The following UGGT2 variants were observed in gnomAD, a reference collection of about 807,000 sequenced individuals.
UGGT2 encodes the protein UDP-glucose glycoprotein glucosyltransferase 2, also known as UDP-glucose:glycoprotein glucosyltransferase 2.
A neutral mutation model predicts 192.1 loss-of-function variants in UGGT2; 180 were observed. The observed-to-expected ratio is 0.94, with a 90% CI of 0.83 to 1.06. UGGT2 has a LOEUF of 1.06. Among genes scored for constraint, UGGT2 ranks in the 50% least tolerant of loss-of-function variants. The pLI is 0.00. For synonymous variants in UGGT2, 580 were observed against 591.0 expected, an observed-to-expected ratio of 0.98 and a Z score of 0.27; for missense variants, 1,849 against 1,795.7, an observed-to-expected ratio of 1.03 and a Z score of -0.54.
intron 2 of UGGT2, among the ~76,000 whole-genome samples, chr13:96,027,372 T>C (rs1043574935): frequency 1.1e-4 from 17 of 152,202 alleles, no homozygotes; most frequent in African/African-American, 4.1e-4. Flanking sequence ...TAGATGTAAC[T>C]AGCAAGATCA....
chr13:95,886,137 AAAG>A, intron 26 of UGGT2, among the ~76,000 whole-genome samples: 1 of 152,320 alleles, frequency 6.6e-6, no homozygotes, highest in East Asian at 1.9e-4. Flanking sequence ...TTTAACTAAA[AAAG>A]AAGAAAGATG....
At chr13:95,918,746 A>G (rs1027453313) in intron 20 of UGGT2, among the ~76,000 whole-genome samples, 8 of 145,772 alleles carry the variant, frequency 5.5e-5, no homozygotes, top group Non-Finnish European at 1.2e-4. Flanking sequence ...CCTACCAACC[A>G]AAAAAAGCCT....
intron 29 of UGGT2, among the ~76,000 whole-genome samples, chr13:95,874,870 T>C (rs1156534159): frequency 6.6e-6 from 1 of 152,156 alleles, no homozygotes; most frequent in Non-Finnish European, 1.5e-5. Context: ...TTTTTGATTT[T>C]ACATAGAGGT....
intron 23 of UGGT2, 98 bp from the exon 24 acceptor site, chr13:95,894,755 A>G (rs1594254997): frequency 2.0e-6 from 2 of 999,958 alleles, no homozygotes; most frequent in Admixed American, 2.2e-5. Context: ...ATATCTGAAC[A>G]TGGTTAAATC....
At chr13:95,928,214 C>T (rs567659562) in intron 17 of UGGT2, among the ~76,000 whole-genome samples, 18 of 151,506 alleles carry the variant, frequency 1.2e-4, no homozygotes, top group African/African-American at 2.4e-4. Context: ...CGGGCAGAGG[C>T]GCCCCCCACC....
At chr13:95,850,643 G>C (rs1309566280) in intron 36 of UGGT2, among the ~76,000 whole-genome samples, 1 of 152,174 alleles carries the variant, frequency 6.6e-6, no homozygotes, top group Non-Finnish European at 1.5e-5. Flanking sequence ...CTAGCTCTTA[G>C]AGCTGCCAAC....
rs200105863 is a variant in UGGT2, at chr13:95,894,621, C to G, written c.2796G>C (p.Met932Ile). The G allele has an allele frequency of 5.6e-6, 9 of 1,611,732 alleles. No individual in the cohort carries two copies. The highest frequency in any genetic ancestry group is 2.2e-5 in the East Asian group (1 of 44,770). ...SDFIMKVDALMSSVPKRASRY... is the reference protein window; with the variant it reads ...SDFIMKVDALISSVPKRASRY... ...GAGATGCACGCTTAGGCACAGAGGACATAAGGGCATCAACTTTCATAATAA... is the reference window on the plus strand; with the variant it reads ...GAGATGCACGCTTAGGCACAGAGGAGATAAGGGCATCAACTTTCATAATAA... Residue 932 changes from methionine to isoleucine, a missense_variant, in exon 24 of 39, where the codon ATG (methionine) becomes ATC (isoleucine). Coordinates refer to ENST00000376747, the MANE Select transcript of UGGT2 (RefSeq NM_020121.4).
chr13:95,838,413 G>C (rs920165458), intron 36 of UGGT2, among the ~76,000 whole-genome samples: 2 of 152,090 alleles, frequency 1.3e-5, no homozygotes, highest in Admixed American at 6.6e-5. Context: ...CCCAATCAAA[G>C]GCTTAGCAAG....
intron 27 of UGGT2, among the ~76,000 whole-genome samples, chr13:95,879,804 C>T (rs1334233226): frequency 6.6e-6 from 1 of 152,080 alleles, no homozygotes; most frequent in East Asian, 1.9e-4. Flanking sequence ...TTCCATCTTC[C>T]CTTTATATTT....
chr13:95,817,603 GA>G (rs1428232186), intron 38 of UGGT2, among the ~76,000 whole-genome samples: 1 of 151,612 alleles, frequency 6.6e-6, no homozygotes, highest in Non-Finnish European at 1.5e-5. Context: ...ACATTGGAAG[GA>G]AAAAAACCAC....
At chr13:95,847,952 T>A (rs1287172097) in intron 36 of UGGT2, among the ~76,000 whole-genome samples, 1 of 152,248 alleles carries the variant, frequency 6.6e-6, no homozygotes, top group Non-Finnish European at 1.5e-5. Context: ...TTGCTCCACA[T>A]CTTCACTAGC....
intron 20 of UGGT2, among the ~76,000 whole-genome samples, chr13:95,905,521 C>A (rs1423572461): frequency 6.6e-6 from 1 of 151,566 alleles, no homozygotes; most frequent in East Asian, 1.9e-4. Context: ...ATATGGCTAG[C>A]CAGTTTTCCC....
intron 2 of UGGT2, among the ~76,000 whole-genome samples, chr13:96,028,662 A>G (rs1002217522): frequency 3.9e-5 from 6 of 152,350 alleles, no homozygotes; most frequent in African/African-American, 1.2e-4. Flanking sequence ...ATGGTATAAA[A>G]CTAGTACTTG....
chr13:95,859,901 A>C, intron 32 of UGGT2: 1 of 362,134 alleles, frequency 2.8e-6, no homozygotes, highest in East Asian at 5.1e-5. Flanking sequence ...ATGTGAAGAA[A>C]TAAACTAAAA....
intron 20 of UGGT2, among the ~76,000 whole-genome samples, chr13:95,924,414 T>TTTTTTTTTTTTTTTTTTTTTTTTTC (rs2048953064): frequency 7.5e-6 from 1 of 133,574 alleles, no homozygotes; most frequent in Non-Finnish European, 1.5e-5. Context: ...TTTTTTTTTT[T>TTTTTTTTTTTTTTTTTTTTTTTTTC]TTTTTTTTTT....
At chr13:96,053,054 C>G in intron 1 of UGGT2, 101 bp downstream of exon 1, 1 of 1,374,890 alleles carries the variant, frequency 7.3e-7, no homozygotes, top group East Asian at 3.0e-5. Flanking sequence ...GTCTGGAGAA[C>G]CCGGGTGGGA....
chr13:95,884,510 T>C lies in UGGT2; in HGVS notation c.3209A>G (p.Asp1070Gly), dbSNP rs1314687123. The C allele has an allele frequency of 1.2e-6, 2 of 1,611,752 alleles. No homozygotes were observed. Among genetic ancestry groups the C allele is most frequent in the Admixed American group, 1.7e-5 (1 of 59,586 alleles). ...VETVHSNCDLDNIHLKDTEKT... is the reference protein window; with the variant it reads ...VETVHSNCDLGNIHLKDTEKT... ...ACTTACATCCTTTAAGTGAATATTATCAAGGTCACAGTTGCTGTGCACTGT... is the reference window on the plus strand; with the variant it reads ...ACTTACATCCTTTAAGTGAATATTACCAAGGTCACAGTTGCTGTGCACTGT... The change falls in exon 27 of 39, where the codon GAT becomes GGT. Residue 1070 changes from aspartate (D) to glycine (G), a missense_variant. Asp to Gly is a moderately conservative substitution (Grantham distance 94). Coordinates refer to ENST00000376747, the MANE Select transcript of UGGT2 (RefSeq NM_020121.4).
intron 34 of UGGT2, among the ~76,000 whole-genome samples, chr13:95,855,106 TAAAAAAAAAAA>T (rs10713359): frequency 3.6e-4 from 18 of 49,960 alleles, no homozygotes; most frequent in African/African-American, 1.3e-3. Flanking sequence ...ACCCTGTCTG[TAAAAAAAAAAA>T]AAAAAAAAAA....
intron 1 of UGGT2, among the ~76,000 whole-genome samples, chr13:96,050,796 C>T (rs2053462035): frequency 6.6e-6 from 1 of 152,180 alleles, no homozygotes; most frequent in Non-Finnish European, 1.5e-5. Flanking sequence ...CATCTCACAC[C>T]AGTTAGAAGG....
Sources: allele counts gnomAD v4.1 joint callset (sites outside exome capture counted in the v4.1 genomes callset), GRCh38; gene constraint gnomAD v4.1.1; transcripts MANE v1.5; gene names NCBI Gene and HGNC (gene_info 2026-07-23, HGNC 2026-07-21).